Variants in TMEM178B observed in about 807,000 individuals in gnomAD.
The protein encoded by TMEM178B is transmembrane protein 178B.
Under a neutral mutation model 31.0 loss-of-function variants are expected in TMEM178B, and 5 were observed. That is an observed-to-expected ratio of 0.16 (90% CI 0.08 to 0.34). The LOEUF is 0.34. Among genes scored for constraint, TMEM178B ranks in the 10% least tolerant of loss-of-function variants. TMEM178B has a pLI of 1.00. For missense variants in TMEM178B, 275 were observed against 400.3 expected (o/e 0.69, Z 2.67); for synonymous variants, 164 against 164.0 (o/e 1.00, Z 0.00).
At chr7:141,385,966 G>A (rs1296014066) in intron 2 of TMEM178B, among the ~76,000 whole-genome samples, 2 of 152,218 alleles carry the variant, frequency 1.3e-5, no homozygotes, top group Non-Finnish European at 2.9e-5. Flanking sequence ...GCTTCTTTCT[G>A]AACTCATTAA....
At chr7:141,427,926 AG>A (rs1211386286) in intron 2 of TMEM178B, among the ~76,000 whole-genome samples, 2 of 152,228 alleles carry the variant, frequency 1.3e-5, no homozygotes, top group East Asian at 3.8e-4. Flanking sequence ...GAAGACATAC[AG>A]ATGGCCAACA....
At chr7:141,146,628 C>G (rs1455673629) in intron 1 of TMEM178B, among the ~76,000 whole-genome samples, 3 of 152,198 alleles carry the variant, frequency 2.0e-5, no homozygotes, top group Admixed American at 2.0e-4. Flanking sequence ...CTATCATTGG[C>G]TGCTATTACT....
intron 1 of TMEM178B, among the ~76,000 whole-genome samples, chr7:141,100,083 T>C (rs1274258035): frequency 1.3e-5 from 2 of 152,194 alleles, no homozygotes; most frequent in Non-Finnish European, 2.9e-5. Flanking sequence ...CCTCCCAAAG[T>C]GCTGGGATTA....
At chr7:141,445,618 A>C (rs564541468) in intron 3 of TMEM178B, among the ~76,000 whole-genome samples, 1 of 152,324 alleles carries the variant, frequency 6.6e-6, no homozygotes, top group Admixed American at 6.5e-5. Flanking sequence ...GAGTAAAAGG[A>C]CCATATAAGT....
chr7:141,501,983 T>C, the TMEM178B span, among the ~76,000 whole-genome samples: 1 of 152,156 alleles, frequency 6.6e-6, no homozygotes, highest in African/African-American at 2.4e-5. Flanking sequence ...CTTGCACGTG[T>C]CCTCACCTTG....
intron 1 of TMEM178B, among the ~76,000 whole-genome samples, chr7:141,111,033 G>A (rs567921317): frequency 1.6e-4 from 24 of 152,284 alleles, no homozygotes; most frequent in African/African-American, 5.3e-4. Flanking sequence ...TTTAAGCCAC[G>A]CAGTCTATGG....
At chr7:141,336,918 C>T (rs1230635153) in intron 2 of TMEM178B, among the ~76,000 whole-genome samples, 4 of 132,922 alleles carry the variant, frequency 3.0e-5, no homozygotes, top group South Asian at 2.7e-4. Context: ...ATCACCACCA[C>T]CACCACCACC....
At chr7:141,330,242 A>C (rs1799274833) in intron 2 of TMEM178B, among the ~76,000 whole-genome samples, 1 of 152,212 alleles carries the variant, frequency 6.6e-6, no homozygotes, top group African/African-American at 2.4e-5. Context: ...CCCCACAGGC[A>C]TAAGCTGTTA....
At chr7:141,439,111 T>G (rs1174959773) in intron 3 of TMEM178B, among the ~76,000 whole-genome samples, 9 of 152,038 alleles carry the variant, frequency 5.9e-5, no homozygotes, top group Non-Finnish European at 1.2e-4. Context: ...TTCATTGCTC[T>G]AGGTGTATGG....
In TMEM178B at chr7:141,163,395, C is replaced by T. The variant is rs538445188; in HGVS notation, c.383-49196C>T. On this transcript the variant is annotated intron_variant, in intron 1 of 3. Transcript: ENST00000565468. ...GCTCAGATTCAGGGGGCAGGGATAA[C>T]GACTCTACTTCATTGGTGAGAGAAA... Among the ~76,000 whole-genome samples, 39 of 152,240 alleles carry T rather than the reference C, an allele frequency of 2.6e-4. 1 individual carries two copies. In the South Asian group the frequency reaches 2.7e-3, roughly 11 times the overall value.
chr7:141,435,970 G>A (rs563374572), intron 2 of TMEM178B, among the ~76,000 whole-genome samples: 2 of 152,218 alleles, frequency 1.3e-5, no homozygotes, highest in East Asian at 3.9e-4. Context: ...CAGAAGGAAG[G>A]GTCTGCTGCT....
chr7:141,460,586 T>C (rs1802043323), intron 3 of TMEM178B, among the ~76,000 whole-genome samples: 1 of 152,240 alleles, frequency 6.6e-6, no homozygotes, highest in Non-Finnish European at 1.5e-5. Context: ...TCTGGATGTA[T>C]TCTCTTTGGA....
chr7:141,403,998 AC>A (rs1181140880), intron 2 of TMEM178B, among the ~76,000 whole-genome samples: 3 of 152,122 alleles, frequency 2.0e-5, no homozygotes, highest in African/African-American at 7.2e-5. Flanking sequence ...CCTGTCATAT[AC>A]CAGAGGCCTT....
intron 2 of TMEM178B, among the ~76,000 whole-genome samples, chr7:141,229,837 C>T (rs533064158): frequency 5.9e-5 from 9 of 152,198 alleles, no homozygotes; most frequent in East Asian, 3.9e-4. Context: ...TAATTCCCCA[C>T]GGTACACCAG....
chr7:141,488,444 CTT>C, the TMEM178B span, among the ~76,000 whole-genome samples: 2 of 149,322 alleles, frequency 1.3e-5, no homozygotes, highest in Non-Finnish European at 3.0e-5. Context: ...TTTTTTTTTT[CTT>C]TTTTTCTTTT....
chr7:141,216,462 C>CGT (rs1371225205), intron 2 of TMEM178B, among the ~76,000 whole-genome samples: 1 of 94,938 alleles, frequency 1.1e-5, no homozygotes, highest in Non-Finnish European at 2.5e-5. Context: ...CGCGCGCGCG[C>CGT]GTGTGTGTGT....
chr7:141,097,394 A>AATG (rs1381517427), intron 1 of TMEM178B, among the ~76,000 whole-genome samples: 1 of 151,344 alleles, frequency 6.6e-6, no homozygotes, highest in African/African-American at 2.4e-5. Flanking sequence ...AAAAAGACAA[A>AATG]ATGTAAACTG....
At chr7:141,334,576 CA>C (rs1315732451) in intron 2 of TMEM178B, among the ~76,000 whole-genome samples, 1 of 152,120 alleles carries the variant, frequency 6.6e-6, no homozygotes, top group Non-Finnish European at 1.5e-5. Flanking sequence ...TCCTTGGGAA[CA>C]GGGGGGAAAA....
chr7:141,265,185 G>A (rs1798077388), intron 2 of TMEM178B, among the ~76,000 whole-genome samples: 1 of 152,124 alleles, frequency 6.6e-6, no homozygotes, highest in Admixed American at 6.5e-5. Flanking sequence ...TAAACCTCTG[G>A]TTTCCTGGTT....
Sources: gnomAD v4.1 joint callset for allele counts (sites outside exome capture counted in the v4.1 genomes callset) on GRCh38, gnomAD v4.1.1 for gene constraint, MANE v1.5 for transcripts, NCBI Gene and HGNC (gene_info 2026-07-23, HGNC 2026-07-21) for gene names.